The following TRPC4 variants were observed in gnomAD, a reference collection of about 807,000 sequenced individuals.
TRPC4 encodes the protein short transient receptor potential channel 4.
TRPC4 carries 49 observed loss-of-function variants against 99.4 expected under a neutral mutation model. The observed-to-expected ratio is 0.49, with a 90% CI of 0.39 to 0.63. The LOEUF is 0.63. TRPC4 is among the 20% of genes least tolerant of loss of function. TRPC4 has a pLI of 0.00. For synonymous variants in TRPC4, 454 were observed against 425.9 expected (o/e 1.07, Z -0.81); for missense variants, 898 against 1,152.9 (o/e 0.78, Z 3.20).
chr13:37,685,105 T>C (rs968572367), intron 4 of TRPC4, among the ~76,000 whole-genome samples: 1 of 152,164 alleles, frequency 6.6e-6, no homozygotes, highest in Non-Finnish European at 1.5e-5. Context: ...TATTCAATAG[T>C]AAATCATATC....
In TRPC4 at chr13:37,746,233, T is replaced by G; in HGVS notation, c.601A>C (p.Lys201Gln). The G allele has an allele frequency of 6.2e-7, 1 of 1,613,820 alleles. No individual in the cohort carries two copies. Among genetic ancestry groups the G allele is most frequent in the Non-Finnish European group, 8.5e-7 (1 of 1,179,882 alleles). Residue 201 changes from lysine (K) to glutamine (Q), a missense_variant, in exon 3 of 11, where the codon AAG (lysine) becomes CAG (glutamine). Coordinates refer to ENST00000379705, the MANE Select transcript of TRPC4 (RefSeq NM_016179.4). ...ATGAGAGAGGGACTGGCCAAGGCCT[T>G]GTAGATGTTGAGTCTGGAGCGTGAG... ...RHSRSRLNIY[K>Q]ALASPSLIAL...
intron 1 of TRPC4, among the ~76,000 whole-genome samples, chr13:37,850,682 T>C (rs1959031293): frequency 6.6e-6 from 1 of 152,172 alleles, no homozygotes; most frequent in Admixed American, 6.5e-5. Flanking sequence ...TTATATGTAG[T>C]GAATTAACAC....
At chr13:37,656,578 AGGCCAGTGGCCTGT>A (rs772939617) in intron 6 of TRPC4, among the ~76,000 whole-genome samples, 1 of 152,182 alleles carries the variant, frequency 6.6e-6, no homozygotes, top group African/African-American at 2.4e-5. Flanking sequence ...AATTCATATA[AGGCCAGTGGCCTGT>A]GGCATGCATT....
At chr13:37,649,516 C>T (rs1224506114) in intron 8 of TRPC4, among the ~76,000 whole-genome samples, 6 of 151,760 alleles carry the variant, frequency 4.0e-5, no homozygotes, top group Admixed American at 6.6e-5. Flanking sequence ...GGGCAGATTA[C>T]GAGGTCAGGA....
chr13:37,698,938 A>G (rs1224502415), intron 3 of TRPC4, among the ~76,000 whole-genome samples: 1 of 152,160 alleles, frequency 6.6e-6, no homozygotes, highest in East Asian at 1.9e-4. Flanking sequence ...TACCCTATGC[A>G]CCACCATATG....
At chr13:37,674,112 G>T in intron 5 of TRPC4, 116 bp downstream of exon 5, 1 of 965,884 alleles carries the variant, frequency 1.0e-6, no homozygotes, top group Non-Finnish European at 1.4e-6. Flanking sequence ...ATGAGCTGAT[G>T]AATACGACAT....
At chr13:37,729,939 G>C (rs1203802454) in intron 3 of TRPC4, among the ~76,000 whole-genome samples, 1 of 151,916 alleles carries the variant, frequency 6.6e-6, no homozygotes, top group Non-Finnish European at 1.5e-5. Context: ...TGCAATTAAT[G>C]CCACTCAACT....
chr13:37,835,865 C>A (rs1384415937), intron 1 of TRPC4, among the ~76,000 whole-genome samples: 4 of 152,154 alleles, frequency 2.6e-5, no homozygotes, highest in African/African-American at 4.8e-5. Flanking sequence ...TTAATTACTT[C>A]TTTTCTCAAA....
chr13:37,749,405 A>C (rs545738482), intron 2 of TRPC4, among the ~76,000 whole-genome samples: 7 of 152,200 alleles, frequency 4.6e-5, no homozygotes, highest in African/African-American at 9.6e-5. Flanking sequence ...TTTACCATTA[A>C]TTGCCTGGCA....
intron 1 of TRPC4, among the ~76,000 whole-genome samples, chr13:37,799,364 C>CT (rs1343451417): frequency 2.0e-5 from 3 of 152,120 alleles, no homozygotes; most frequent in East Asian, 1.9e-4. Flanking sequence ...CTAGATAATT[C>CT]TTTTTTTGTT....
At chr13:37,729,533 C>T (rs1955176584) in intron 3 of TRPC4, among the ~76,000 whole-genome samples, 1 of 152,102 alleles carries the variant, frequency 6.6e-6, no homozygotes, top group Non-Finnish European at 1.5e-5. Flanking sequence ...TTTGTATTCT[C>T]ATTTCTATAG....
At chr13:37,774,762 C>T (rs1259081050) in intron 2 of TRPC4, among the ~76,000 whole-genome samples, 1 of 151,550 alleles carries the variant, frequency 6.6e-6, no homozygotes, top group Non-Finnish European at 1.5e-5. Flanking sequence ...GTTTTGATAA[C>T]AAAATGATAC....
At chr13:37,767,868 G>T (rs1000908892) in intron 2 of TRPC4, among the ~76,000 whole-genome samples, 1 of 151,362 alleles carries the variant, frequency 6.6e-6, no homozygotes, top group African/African-American at 2.4e-5. Context: ...AAACAGAAAA[G>T]ACTAAGATTT....
At chr13:37,844,293 T>C (rs574673932) in intron 1 of TRPC4, among the ~76,000 whole-genome samples, 9 of 152,224 alleles carry the variant, frequency 5.9e-5, no homozygotes, top group South Asian at 4.2e-4. Context: ...TTCTTTTTTT[T>C]TTTCTTTCTT....
intron 1 of TRPC4, among the ~76,000 whole-genome samples, chr13:37,813,233 A>G (rs1051883206): frequency 1.3e-5 from 2 of 151,904 alleles, no homozygotes; most frequent in Non-Finnish European, 2.9e-5. Context: ...ATAGCATACC[A>G]AAATTCATGG....
At chr13:37,642,165 T>C (rs1951734795) in intron 8 of TRPC4, among the ~76,000 whole-genome samples, 1 of 152,162 alleles carries the variant, frequency 6.6e-6, no homozygotes, top group African/African-American at 2.4e-5. Flanking sequence ...AAGAGAATAC[T>C]TCTGGTAAAT....
chr13:37,699,754 A>G (rs576626525), intron 3 of TRPC4, among the ~76,000 whole-genome samples: 1 of 152,346 alleles, frequency 6.6e-6, no homozygotes, highest in South Asian at 2.1e-4. Flanking sequence ...TTACAGGGGC[A>G]TGACATTTGA....
In TRPC4 at chr13:37,783,088, G is replaced by A. The variant is rs1254114350; in HGVS notation, c.246C>T (p.Asn82=). Residue 82 remains asparagine (N), a synonymous_variant, in exon 2 of 11, where the codon AAC becomes AAT. Transcript: ENST00000379705. ...TALLIAIENE[N]LELIELLLSF... ...TTAAGAGTAGTTCGATGAGCTCCAA[G>A]TTCTCATTTTCAATTGCAATGAGGA... The A allele has an allele frequency of 1.9e-6, 3 of 1,613,302 alleles. No individual in the cohort carries two copies. Among genetic ancestry groups the A allele is most frequent in the East Asian group, 2.2e-5 (1 of 44,750 alleles).
Position 37,785,856 on chromosome 13 carries a change from A to G in TRPC4, c.-27-2496T>C, listed in dbSNP as rs920850207. On this transcript the variant is annotated intron_variant, in intron 1 of 10. Coordinates refer to ENST00000379705, the MANE Select transcript of TRPC4 (RefSeq NM_016179.4). ...TGGAGAACTTTGAGGAAGAGGGAAG[A>G]TAAAAATAAATTAAGCTTACTAATA... 4.9e-4 allele frequency among the ~76,000 whole-genome samples: 75 copies of G among 152,224 alleles called. 1 individual carries two copies. Among genetic ancestry groups the G allele is most frequent in the African/African-American group, 1.8e-3 (75 of 41,562 alleles).
Sources: allele counts gnomAD v4.1 joint callset (sites outside exome capture counted in the v4.1 genomes callset), GRCh38; gene constraint gnomAD v4.1.1; transcripts MANE v1.5; gene names NCBI Gene and HGNC (gene_info 2026-07-23, HGNC 2026-07-21).